The following WNT7B variants were observed in gnomAD, a reference collection of about 807,000 sequenced individuals.
WNT7B encodes Wnt family member 7B.
WNT7B carries 19 observed loss-of-function variants against 38.2 expected under a neutral mutation model. The observed-to-expected ratio is 0.50, with a 90% CI of 0.35 to 0.73. WNT7B has a LOEUF of 0.73. Ranked by LOEUF, WNT7B falls within the 30% of genes least tolerant of loss-of-function variation. The pLI is 0.01. For missense variants in WNT7B, 423 were observed against 507.9 expected, an observed-to-expected ratio of 0.83 and a Z score of 1.61; for synonymous variants, 243 against 209.3, an observed-to-expected ratio of 1.16 and a Z score of -1.39.
At chr22:45,944,123 G>C (rs995091134) in intron 2 of WNT7B, among the ~76,000 whole-genome samples, 1 of 152,160 alleles carries the variant, frequency 6.6e-6, no homozygotes, top group African/African-American at 2.4e-5. Context: ...AGTGGGACCC[G>C]GGCAGATAGG....
chr22:45,931,401 C>A (rs781284934), intron 2 of WNT7B, 32 bp from the exon 3 acceptor site: 6 of 1,549,976 alleles, frequency 3.9e-6, no homozygotes, highest in Admixed American at 3.6e-5. Context: ...GAAGGTGAGA[C>A]CCCAGGCCCT....
chr22:45,926,070 G>A lies in WNT7B; in HGVS notation c.571-2735C>T, dbSNP rs555533187. The A allele has an allele frequency of 4.1e-6, 4 of 985,464 alleles. No homozygotes were observed. In the South Asian group the frequency reaches 1.9e-4, roughly 46 times the overall value. The allele number at this position is 985,464 out of a possible 1,614,324, so 61.0% of individuals were successfully genotyped here. On this transcript the variant is annotated intron_variant, in intron 3 of 3. Coordinates refer to ENST00000339464, the MANE Select transcript of WNT7B (RefSeq NM_058238.3). ...GGGATAATCGGCTCCCGCAGGGCCA[G>A]GCCCGTGACCATCCGCAAATAAAGC...
chr22:45,929,987 TTAA>T (rs900455437), intron 3 of WNT7B, among the ~76,000 whole-genome samples: 2 of 151,980 alleles, frequency 1.3e-5, no homozygotes, highest in African/African-American at 4.8e-5. Flanking sequence ...CAACAATAAC[TTAA>T]TAACCACCTG....
At position 45,976,647 on chromosome 22, in the gene WNT7B, G is replaced by A. The variant is rs868416910; in HGVS notation, c.71+37C>T. ...GGAGGCAGCTCCTTCGTGCTGTCTT[G>A]GCCCCTGGCTGCTGCCCTCGCCCAC... On this transcript the variant is annotated intron_variant, in intron 1 of 3. Transcript: ENST00000339464. The surrounding 1 kb of genome is among the most constrained non-coding windows in gnomAD (Gnocchi z 8.5). The A allele has an allele frequency of 6.3e-7, 1 of 1,594,228 alleles. No homozygotes were observed. Among genetic ancestry groups the A allele is most frequent in the South Asian group, 1.1e-5 (1 of 89,098 alleles).
intron 2 of WNT7B, among the ~76,000 whole-genome samples, chr22:45,944,700 T>C (rs922030396): frequency 6.6e-6 from 1 of 152,234 alleles, no homozygotes; most frequent in African/African-American, 2.4e-5. Context: ...CCTGGCCCCA[T>C]TGGCCTGTGC....
intron 3 of WNT7B, among the ~76,000 whole-genome samples, chr22:45,924,695 A>C (rs1303616909): frequency 6.8e-6 from 1 of 147,826 alleles, no homozygotes; most frequent in Non-Finnish European, 1.5e-5. Flanking sequence ...GGGGGTCCCA[A>C]AGGCTCATCA....
intron 1 of WNT7B, among the ~76,000 whole-genome samples, chr22:45,971,556 G>T (rs572075936): frequency 2.6e-5 from 4 of 152,182 alleles, no homozygotes; most frequent in Admixed American, 2.6e-4. Context: ...CCGCCAGCAC[G>T]CAATGCGCGT....
Position 45,951,725 on chromosome 22 carries a change from T to C in WNT7B, c.72-1579A>G, listed in dbSNP as rs1438504755. ...TGGTCACAGGTCAGTGCTTCATGCG[T>C]TTGTAAGGCTGAGTGATATTCCATT... On this transcript the variant is annotated intron_variant, in intron 1 of 3. Transcript: ENST00000339464. This position sits in a 1 kb window ranked among gnomAD's most constrained non-coding sequence, Gnocchi z 4.8. Among the ~76,000 whole-genome samples, 1 of 152,204 alleles carries C rather than the reference T, an allele frequency of 6.6e-6. No homozygotes were observed. The highest frequency in any genetic ancestry group is 2.4e-5 in the African/African-American group (1 of 41,440).
chr22:45,975,460 G>C lies in WNT7B; in HGVS notation c.71+1224C>G. The C allele has an allele frequency of 1.4e-6, 1 of 692,578 alleles. No individual in the cohort carries two copies. The highest frequency in any genetic ancestry group is 2.7e-6 in the Non-Finnish European group (1 of 370,320). The allele number at this position is 692,578 out of a possible 1,614,324, so 42.9% of individuals were successfully genotyped here. ...CAGACACGCCCGCCCAGACCTGCAGGGCTCAGGCTAGGACGGGGGCTTCCA... is the reference window on the plus strand; with the variant it reads ...CAGACACGCCCGCCCAGACCTGCAGCGCTCAGGCTAGGACGGGGGCTTCCA... On this transcript the variant is annotated intron_variant, in intron 1 of 3. Transcript: ENST00000339464. This position sits in a 1 kb window ranked among gnomAD's most constrained non-coding sequence, Gnocchi z 6.6.
intron 2 of WNT7B, chr22:45,936,055 A>G: frequency 1.0e-6 from 1 of 985,410 alleles, no homozygotes; most frequent in Non-Finnish European, 1.2e-6. Flanking sequence ...AGAAAATGCC[A>G]GAGCAGACTA....
At position 45,966,635 on chromosome 22, in the gene WNT7B, T is replaced by C. The variant is rs1601741669; in HGVS notation, c.71+10049A>G. 6.6e-6 allele frequency among the ~76,000 whole-genome samples: 1 copy of C among 152,136 alleles called. No homozygotes were observed. Among genetic ancestry groups the C allele is most frequent in the African/African-American group, 2.4e-5 (1 of 41,414 alleles). On this transcript the variant is annotated intron_variant, in intron 1 of 3. Coordinates refer to ENST00000339464, the MANE Select transcript of WNT7B (RefSeq NM_058238.3). This position sits in a 1 kb window ranked among gnomAD's most constrained non-coding sequence, Gnocchi z 4.2. ...CTCCAGGCACCTGCAGGCTTCACAC[T>C]CTAAAGCTGCAAAGGCTGCTTGGGG...
intron 1 of WNT7B, among the ~76,000 whole-genome samples, chr22:45,967,397 G>C (rs149673636): frequency 1.9e-4 from 29 of 152,308 alleles, no homozygotes; most frequent in Non-Finnish European, 3.7e-4. Flanking sequence ...GGGATGACAG[G>C]GAGCAGTGTG....
intron 3 of WNT7B, chr22:45,925,754 C>T (rs774324309): frequency 4.0e-5 from 39 of 985,320 alleles, no homozygotes; most frequent in Non-Finnish European, 4.7e-5. Flanking sequence ...AGGAGCTGCC[C>T]TGATGGTGGC....
chr22:45,963,212 G>A (rs1339185622), intron 1 of WNT7B, among the ~76,000 whole-genome samples: 1 of 152,154 alleles, frequency 6.6e-6, no homozygotes, highest in Non-Finnish European at 1.5e-5. Context: ...ATTCTCCAAA[G>A]CAGGGGACCC....
intron 1 of WNT7B, among the ~76,000 whole-genome samples, chr22:45,959,968 C>T (rs1932158882): frequency 6.6e-6 from 1 of 152,200 alleles, no homozygotes; most frequent in Non-Finnish European, 1.5e-5. Context: ...GCCATCTGCC[C>T]TCCCCCGCAG....
Position 45,922,816 on chromosome 22 carries a change from C to T in WNT7B, c.*40G>A. On this transcript the variant is annotated 3_prime_UTR_variant, in exon 4 of 4. Transcript: ENST00000339464. ...TGAGGAGTGGATGTGCAAAATGCCG[C>T]CGGGTTCCAGGGTGCCCGCGGCCGC... is the stretch of plus-strand genomic sequence containing the variant. 7 of 1,561,204 alleles carry T rather than the reference C, an allele frequency of 4.5e-6. No homozygotes were observed. Among genetic ancestry groups the T allele is most frequent in the Non-Finnish European group, 5.2e-6 (6 of 1,150,560 alleles).
At position 45,923,329 on chromosome 22, in the gene WNT7B, C is replaced by G. The variant is rs372044161; in HGVS notation, c.577G>C (p.Glu193Gln). Residue 193 changes from glutamate (E) to glutamine (Q), a missense_variant, in exon 4 of 4, where the codon GAG (glutamate) becomes CAG (glutamine). Physicochemically the swap from Glu to Gln is conservative, Grantham distance 29. Around this residue, in one of 3 missense-constraint regions of WNT7B, gnomAD observed 132 missense variants for 113.4 expected, o/e 1.16. Transcript: ENST00000339464. ...HNNEAGRKVL[E>Q]DRMQLECKCH... ...TTGCACTCCAGCTGCATCCGGTCCT[C>G]TAGAACCTGCGGGTGACAGGGAAGC... 3 of 1,599,576 alleles carry G rather than the reference C, an allele frequency of 1.9e-6. No individual in the cohort carries two copies. The highest frequency in any genetic ancestry group is 2.6e-6 in the Non-Finnish European group (3 of 1,170,622).
chr22:45,923,301 C>A lies in WNT7B; in HGVS notation c.605G>T (p.Cys202Phe). 2 of 1,611,082 alleles carry A rather than the reference C, an allele frequency of 1.2e-6. No homozygotes were observed. The highest frequency in any genetic ancestry group is 2.2e-5 in the South Asian group (2 of 90,880). Residue 202 changes from cysteine (C) to phenylalanine (F), a missense_variant, in exon 4 of 4, where the codon TGC (cysteine) becomes TTC (phenylalanine). Transcript: ENST00000339464. ...GGTGCAGGAGCCAGACACGCCGTGG[C>A]ACTTGCACTCCAGCTGCATCCGGTC... ...LEDRMQLECK[C>F]HGVSGSCTTK...
chr22:45,954,195 G>A (rs534596640), intron 1 of WNT7B, among the ~76,000 whole-genome samples: 3 of 151,790 alleles, frequency 2.0e-5, no homozygotes, highest in South Asian at 2.1e-4. Context: ...GCTATGAAAC[G>A]TCCGGAATAG....
Sources: allele counts gnomAD v4.1 joint callset (sites outside exome capture counted in the v4.1 genomes callset), GRCh38; gene constraint gnomAD v4.1.1; regional missense constraint gnomAD v4.1.1; non-coding constraint Gnocchi (gnomAD v3.1); transcripts MANE v1.5; gene names NCBI Gene and HGNC (gene_info 2026-07-23, HGNC 2026-07-21).